The following TRDN variants were observed in gnomAD, a reference collection of about 807,000 sequenced individuals.
TRDN encodes triadin.
Under a neutral mutation model 149.7 loss-of-function variants are expected in TRDN, and 161 were observed. The observed-to-expected ratio is 1.08, with a 90% CI of 0.95 to 1.23. The LOEUF is 1.23. Ranked by LOEUF, TRDN falls within the 50% of genes most tolerant of loss-of-function variation. TRDN has a pLI of 0.00. For missense variants in TRDN, 896 were observed against 823.5 expected, an observed-to-expected ratio of 1.09 and a Z score of -1.08; for synonymous variants, 294 against 250.5, an observed-to-expected ratio of 1.17 and a Z score of -1.64.
chr6:123,383,977 G>C (rs1023119377), intron 14 of TRDN, among the ~76,000 whole-genome samples: 3 of 152,210 alleles, frequency 2.0e-5, no homozygotes, highest in Admixed American at 6.5e-5. Context: ...TTTTAGAATA[G>C]ATTTTTCTTA....
intron 1 of TRDN, among the ~76,000 whole-genome samples, chr6:123,631,433 T>A (rs1477858210): frequency 1.3e-5 from 2 of 152,044 alleles, no homozygotes; most frequent in Non-Finnish European, 2.9e-5. Context: ...ATGTTACCAA[T>A]AATATGAAAC....
intron 38 of TRDN, among the ~76,000 whole-genome samples, chr6:123,231,428 C>A (rs1775596890): frequency 6.6e-6 from 1 of 151,612 alleles, no homozygotes; most frequent in African/African-American, 2.4e-5. Flanking sequence ...GTTAGAGGTA[C>A]AAAGAATTGT....
chr6:123,527,415 T>A (rs1358348978), intron 5 of TRDN, among the ~76,000 whole-genome samples: 1 of 152,044 alleles, frequency 6.6e-6, no homozygotes, highest in Non-Finnish European at 1.5e-5. Context: ...ACATTTCTTA[T>A]CATTCAACAT....
chr6:123,377,576 T>C lies in TRDN; in HGVS notation c.1246+140A>G, dbSNP rs959974251. 4 of 955,042 alleles carry C rather than the reference T, an allele frequency of 4.2e-6. No homozygotes were observed. In the African/African-American group the frequency reaches 4.9e-5, roughly 12 times the overall value. The allele number at this position is 955,042 out of a possible 1,614,324, so 59.2% of individuals were successfully genotyped here. On this transcript the variant is annotated intron_variant, in intron 18 of 40. Transcript: ENST00000334268. ...AAACTGCATTGATGTTATGTCCATG[T>C]CAAGAACTTGGAAAAAACACTGTGA...
intron 38 of TRDN, among the ~76,000 whole-genome samples, chr6:123,246,983 C>T (rs1294456756): frequency 6.6e-6 from 1 of 152,132 alleles, no homozygotes; most frequent in African/African-American, 2.4e-5. Flanking sequence ...ATCACATAAA[C>T]AGAATCAATG....
At position 123,349,460 on chromosome 6, in the gene TRDN, G is replaced by C. The variant is rs540011515; in HGVS notation, c.1369+3079C>G. ...GCACGAAGTATTGTCAAAAAGTTTA[G>C]AATTCACAGGAATCTATAATATTAT... On this transcript the variant is annotated intron_variant, in intron 21 of 40. Coordinates refer to ENST00000334268, the MANE Select transcript of TRDN (RefSeq NM_006073.4). 2.7e-3 allele frequency: 2,292 copies of C among 858,282 alleles called. 3 individuals are homozygous for C. Among genetic ancestry groups the C allele is most frequent in the Non-Finnish European group, 3.0e-3 (2,155 of 714,334 alleles). The allele number at this position is 858,282 out of a possible 1,614,324, so 53.2% of individuals were successfully genotyped here. A position where few individuals can be genotyped will look rare whatever the true frequency, so the allele number is the denominator to read the frequency against.
intron 9 of TRDN, among the ~76,000 whole-genome samples, chr6:123,481,098 T>G (rs1777727196): frequency 6.6e-6 from 1 of 152,100 alleles, no homozygotes; most frequent in South Asian, 2.1e-4. Flanking sequence ...GGATGATATT[T>G]TATCAGGCCT....
chr6:123,635,460 C>T (rs1420238825), intron 1 of TRDN, among the ~76,000 whole-genome samples: 2 of 151,686 alleles, frequency 1.3e-5, no homozygotes, highest in Admixed American at 6.6e-5. Context: ...GATAATAATG[C>T]CTACTTAATT....
At chr6:123,221,029 G>A (rs1310617239) in intron 40 of TRDN, among the ~76,000 whole-genome samples, 1 of 151,728 alleles carries the variant, frequency 6.6e-6, no homozygotes, top group Non-Finnish European at 1.5e-5. Context: ...TGAATATTTA[G>A]AACCTACCAT....
At chr6:123,622,040 G>T (rs144175003) in intron 1 of TRDN, among the ~76,000 whole-genome samples, 1 of 152,022 alleles carries the variant, frequency 6.6e-6, no homozygotes, top group Non-Finnish European at 1.5e-5. Context: ...TTAAATGAAA[G>T]TTATAGTGCA....
intron 1 of TRDN, among the ~76,000 whole-genome samples, chr6:123,573,534 G>T (rs1286468700): frequency 1.3e-5 from 2 of 152,044 alleles, no homozygotes; most frequent in African/African-American, 4.8e-5. Flanking sequence ...TTCAATAAAT[G>T]CAGGCATTTG....
intron 8 of TRDN, among the ~76,000 whole-genome samples, chr6:123,499,629 G>A (rs1484089045): frequency 7.6e-5 from 11 of 144,378 alleles, no homozygotes; most frequent in Non-Finnish European, 1.5e-4. Context: ...GCTTGAACCC[G>A]GGAGGCAGAG....
intron 1 of TRDN, among the ~76,000 whole-genome samples, chr6:123,632,091 T>C (rs1786035684): frequency 6.6e-6 from 1 of 152,084 alleles, no homozygotes; most frequent in African/African-American, 2.4e-5. Flanking sequence ...ATTCCATACA[T>C]TGTGATGGGT....
intron 7 of TRDN, among the ~76,000 whole-genome samples, chr6:123,505,639 C>T (rs1465503173): frequency 6.6e-6 from 1 of 151,992 alleles, no homozygotes; most frequent in Non-Finnish European, 1.5e-5. Context: ...TTATGATACA[C>T]ACATTATTCA....
intron 1 of TRDN, among the ~76,000 whole-genome samples, chr6:123,574,895 C>CATATATATATATAT (rs71541235): frequency 1.2e-4 from 10 of 83,900 alleles, no homozygotes; most frequent in Admixed American, 9.6e-4. Flanking sequence ...TATATATATA[C>CATATATATATATAT]ACACATTTTC....
intron 4 of TRDN, among the ~76,000 whole-genome samples, chr6:123,541,818 T>G (rs73536748): frequency 0.04 from 6,015 of 152,198 alleles, 167 homozygotes; most frequent in African/African-American, 0.077. Context: ...TTCAGACACT[T>G]AATGTTCAGC....
At chr6:123,583,757 C>G (rs533331138) in intron 1 of TRDN, among the ~76,000 whole-genome samples, 3 of 152,216 alleles carry the variant, frequency 2.0e-5, no homozygotes, top group Admixed American at 2.0e-4. Context: ...TCTACCTAGA[C>G]TAACAGGTAT....
chr6:123,438,774 G>A (rs891600282), intron 11 of TRDN, among the ~76,000 whole-genome samples, 170 bp downstream of exon 11: 1 of 152,064 alleles, frequency 6.6e-6, no homozygotes, highest in Admixed American at 6.6e-5. Flanking sequence ...TTTAAAAATT[G>A]ACAATTTTAA....
In TRDN at chr6:123,316,446, A is replaced by G; in HGVS notation, c.1510+11T>C. On this transcript the variant is annotated intron_variant, in intron 24 of 40. Transcript: ENST00000334268. ...ATCTCCTTGTATGTAAATCTTACAA[A>G]ATATCCTTACCTGCTTTGGACATCT... is the stretch of plus-strand genomic sequence containing the variant. The G allele has an allele frequency of 1.9e-6, 3 of 1,609,804 alleles. No individual in the cohort carries two copies. Among genetic ancestry groups the G allele is most frequent in the Non-Finnish European group, 2.5e-6 (3 of 1,177,170 alleles).
Sources: allele counts gnomAD v4.1 joint callset (sites outside exome capture counted in the v4.1 genomes callset), GRCh38; gene constraint gnomAD v4.1.1; transcripts MANE v1.5; gene names NCBI Gene and HGNC (gene_info 2026-07-23, HGNC 2026-07-21).